Variants in CEP112 observed in about 807,000 individuals in gnomAD.
The protein encoded by CEP112 is centrosomal protein 112, also known as centrosomal protein of 112 kDa.
In CEP112, 127 loss-of-function variants were observed where a neutral mutation model predicts 153.0. The observed-to-expected ratio is 0.83, with a 90% CI of 0.72 to 0.96. The LOEUF (loss-of-function observed/expected upper bound fraction) is 0.96, where lower values mean the gene tolerates loss of function less well. Ranked by LOEUF, CEP112 falls within the 40% of genes least tolerant of loss-of-function variation. The pLI is 0.00. For synonymous variants in CEP112, 358 were observed against 374.4 expected (o/e 0.96, Z 0.51); for missense variants, 1,089 against 1,101.2 (o/e 0.99, Z 0.16).
At chr17:66,040,580 T>A (rs2145830424) in intron 12 of CEP112, among the ~76,000 whole-genome samples, 1 of 149,210 alleles carries the variant, frequency 6.7e-6, no homozygotes, top group African/African-American at 2.5e-5. Context: ...CACTGCAGGC[T>A]CCACCTACTG....
At chr17:65,888,208 T>C (rs1458440839) in intron 20 of CEP112, among the ~76,000 whole-genome samples, 1 of 152,198 alleles carries the variant, frequency 6.6e-6, no homozygotes, top group Non-Finnish European at 1.5e-5. Flanking sequence ...GTACAATAGC[T>C]ATTTTCCTGC....
At chr17:65,777,272 G>C (rs992381222) in intron 21 of CEP112, among the ~76,000 whole-genome samples, 1 of 152,242 alleles carries the variant, frequency 6.6e-6, no homozygotes, top group African/African-American at 2.4e-5. Flanking sequence ...GATGGCATAG[G>C]GTAAGCCAGA....
At chr17:66,183,915 C>T (rs2072822666) in intron 1 of CEP112, among the ~76,000 whole-genome samples, 1 of 151,922 alleles carries the variant, frequency 6.6e-6, no homozygotes, top group African/African-American at 2.4e-5. Context: ...TTGAGTAAGG[C>T]TAAGATTTCT....
Position 66,083,646 on chromosome 17 carries a change from C to T in CEP112, c.768+12605G>A, listed in dbSNP as rs540902699. ...GGCAGACTGCCTGAGCTCAGGAGTT[C>T]GAAACCAGCCCGGGCAACACGGTGA... On this transcript the variant is annotated intron_variant, in intron 8 of 26. Coordinates refer to ENST00000535342, the MANE Select transcript of CEP112 (RefSeq NM_001199165.4). Among the ~76,000 whole-genome samples the T allele has an allele frequency of 2.5e-4, 38 of 152,250 alleles. No homozygotes were observed. The East Asian group carries it at 5.4e-3, about 22-fold the overall frequency.
intron 12 of CEP112, among the ~76,000 whole-genome samples, chr17:66,047,139 T>C (rs1217719155): frequency 6.6e-6 from 1 of 152,204 alleles, no homozygotes; most frequent in Admixed American, 6.5e-5. Context: ...TTTTTTGAGA[T>C]GGAGTCTCCC....
At chr17:65,904,703 T>C (rs1040038447) in intron 19 of CEP112, among the ~76,000 whole-genome samples, 2 of 152,098 alleles carry the variant, frequency 1.3e-5, no homozygotes, top group African/African-American at 4.8e-5. Flanking sequence ...CTTCAAACTA[T>C]ACTATGAGGC....
chr17:66,130,153 T>C (rs2070069832), intron 5 of CEP112, among the ~76,000 whole-genome samples: 1 of 152,052 alleles, frequency 6.6e-6, no homozygotes, highest in South Asian at 2.1e-4. Flanking sequence ...TGAACTAGGG[T>C]TCTCAGTTCT....
chr17:66,074,953 A>G (rs2067437930), intron 8 of CEP112, among the ~76,000 whole-genome samples: 2 of 152,070 alleles, frequency 1.3e-5, no homozygotes, highest in Non-Finnish European at 2.9e-5. Context: ...AGGCTCCCCA[A>G]CAGAAACAAT....
intron 23 of CEP112, among the ~76,000 whole-genome samples, chr17:65,709,902 A>T (rs1369367782): frequency 6.6e-6 from 1 of 152,220 alleles, no homozygotes; most frequent in Non-Finnish European, 1.5e-5. Flanking sequence ...CCTGACTGAG[A>T]TCCTCTGCTG....
chr17:66,109,913 C>T (rs1028071800), intron 6 of CEP112, among the ~76,000 whole-genome samples: 1 of 152,174 alleles, frequency 6.6e-6, no homozygotes, highest in African/African-American at 2.4e-5. Context: ...GTAATCCCAG[C>T]ACTTTGGGAG....
intron 23 of CEP112, among the ~76,000 whole-genome samples, chr17:65,714,982 A>G (rs1203830471): frequency 6.6e-6 from 1 of 152,062 alleles, no homozygotes. Flanking sequence ...CGGTAATACT[A>G]CAAGCAGCAG....
chr17:65,722,535 C>T (rs1194057954), intron 23 of CEP112, among the ~76,000 whole-genome samples: 1 of 152,196 alleles, frequency 6.6e-6, no homozygotes, highest in East Asian at 1.9e-4. Flanking sequence ...AGGCGTGACC[C>T]ACCATGCCTG....
At chr17:65,748,284 T>C (rs2051598146) in intron 22 of CEP112, among the ~76,000 whole-genome samples, 1 of 152,196 alleles carries the variant, frequency 6.6e-6, no homozygotes. Flanking sequence ...CTAAGAATTT[T>C]TTGGTGTTGC....
chr17:66,162,701 A>G (rs2146772161), intron 4 of CEP112, among the ~76,000 whole-genome samples: 1 of 152,306 alleles, frequency 6.6e-6, no homozygotes, highest in Non-Finnish European at 1.5e-5. Context: ...AATGAAAACG[A>G]ATCTATGGTA....
intron 19 of CEP112, among the ~76,000 whole-genome samples, chr17:65,924,490 T>G (rs946114892): frequency 2.6e-5 from 4 of 152,162 alleles, no homozygotes; most frequent in South Asian, 4.1e-4. Context: ...TATGTATATA[T>G]AGAGTGTACA....
rs774417160 is a variant in CEP112, at chr17:66,053,858, T to C, written c.1096A>G (p.Met366Val). ...EKKLHNAVAE[M>V]EQEKFDLQKQ... Reference sequence around the variant, plus strand: ...TGAAGATCAAACTTTTCCTGTTCCATTTCTGCTACAGCATTGTGAAGCTAC... The same window carrying C: ...TGAAGATCAAACTTTTCCTGTTCCACTTCTGCTACAGCATTGTGAAGCTAC... Residue 366 changes from methionine (M) to valine (V), a missense_variant, in exon 12 of 27, where the codon ATG becomes GTG. Coordinates refer to ENST00000535342, the MANE Select transcript of CEP112 (RefSeq NM_001199165.4). The C allele has an allele frequency of 1.2e-6, 2 of 1,613,122 alleles. No individual in the cohort carries two copies. Among genetic ancestry groups the C allele is most frequent in the Admixed American group, 3.3e-5 (2 of 59,962 alleles).
At chr17:65,923,508 G>A (rs2060807355) in intron 19 of CEP112, among the ~76,000 whole-genome samples, 1 of 152,112 alleles carries the variant, frequency 6.6e-6, no homozygotes, top group Non-Finnish European at 1.5e-5. Flanking sequence ...TCATGCCACT[G>A]CACTCCTGCC....
intron 8 of CEP112, among the ~76,000 whole-genome samples, chr17:66,076,771 A>G (rs2067515589): frequency 6.6e-6 from 1 of 152,148 alleles, no homozygotes; most frequent in South Asian, 2.1e-4. Flanking sequence ...AGAACTGTAA[A>G]CCACTAAAGC....
At chr17:65,888,642 A>G (rs2059365624) in intron 20 of CEP112, among the ~76,000 whole-genome samples, 1 of 152,220 alleles carries the variant, frequency 6.6e-6, no homozygotes, top group Admixed American at 6.5e-5. Context: ...AGGCAAATGC[A>G]TTAAATTAAA....
Sources: allele counts gnomAD v4.1 joint callset (sites outside exome capture counted in the v4.1 genomes callset), GRCh38; gene constraint gnomAD v4.1.1; transcripts MANE v1.5; gene names NCBI Gene and HGNC (gene_info 2026-07-23, HGNC 2026-07-21).